The following RPUSD4 variants were observed in gnomAD, a reference collection of about 807,000 sequenced individuals.
RPUSD4 encodes the protein RNA pseudouridine synthase D4.
A neutral mutation model predicts 35.4 loss-of-function variants in RPUSD4; 37 were observed. The observed-to-expected ratio is 1.04, with a 90% confidence interval of 0.80 to 1.37. The LOEUF (loss-of-function observed/expected upper bound fraction) is 1.37. Among genes scored for constraint, RPUSD4 ranks in the 40% most tolerant of loss-of-function variants. RPUSD4 has a pLI of 0.00. For missense variants in RPUSD4, 507 were observed against 484.9 expected (o/e 1.05, Z -0.43); for synonymous variants, 210 against 192.7 (o/e 1.09, Z -0.74).
chr11:126,203,405 G>T lies in RPUSD4; in HGVS notation c.*13C>A. 6.2e-7 allele frequency: 1 copy of T among 1,608,394 alleles called. No homozygotes were observed. The highest frequency in any genetic ancestry group is 8.5e-7 in the Non-Finnish European group (1 of 1,179,012). On this transcript the variant is annotated 3_prime_UTR_variant, in exon 7 of 7. Transcript: ENST00000298317. ...TCACTGTGCTCCCAGGTGCCAGGGT[G>T]CTCCCATGGTCTTCACTGTGCTCCC... is the stretch of plus-strand genomic sequence containing the variant.
At chr11:126,211,408 G>A in intron 1 of RPUSD4, 42 bp downstream of exon 1, 2 of 1,550,526 alleles carry the variant, frequency 1.3e-6, no homozygotes, top group Non-Finnish European at 1.7e-6. Flanking sequence ...GGAAACCAAT[G>A]AGCGCACTGC....
chr11:126,205,403 G>C, intron 5 of RPUSD4, 65 bp downstream of exon 5: 1 of 1,597,746 alleles, frequency 6.3e-7, no homozygotes, highest in Non-Finnish European at 8.6e-7. Context: ...CTCAGAACGA[G>C]GCCCTGGACA....
At chr11:126,205,368 C>T in intron 5 of RPUSD4, 100 bp downstream of exon 5, 5 of 1,452,176 alleles carry the variant, frequency 3.4e-6, no homozygotes, top group Non-Finnish European at 4.7e-6. Context: ...CACATTCTCA[C>T]ACAAGTCAGC....
rs757292313 is a variant in RPUSD4 at position 126,204,180 on chromosome 11, C to T, written c.894+51G>A. 32 of 1,245,946 alleles carry T rather than the reference C, an allele frequency of 2.6e-5. 1 individual carries two copies. The highest frequency in any genetic ancestry group is 7.5e-5 in the South Asian group (6 of 79,966). 77.2% of individuals were successfully genotyped at this position (1,245,946 alleles called of 1,614,324 possible). ...CATTTCAGAGTTTTAAGAAAAGGAA[C>T]GCCTAAGTTCTCTCCCGTATCTGCT... On this transcript the variant is annotated intron_variant, in intron 6 of 6. Coordinates refer to ENST00000298317, the MANE Select transcript of RPUSD4 (RefSeq NM_032795.3).
At position 126,203,334 on chromosome 11, in the gene RPUSD4, CA is replaced by C. The variant is rs1949732799; in HGVS notation, c.*83del. 6.4e-7 allele frequency: 1 copy of C among 1,562,538 alleles called. No homozygotes were observed. The highest frequency in any genetic ancestry group is 8.6e-7 in the Non-Finnish European group (1 of 1,156,616). On this transcript the variant is annotated 3_prime_UTR_variant, in exon 7 of 7. Coordinates refer to ENST00000298317, the MANE Select transcript of RPUSD4 (RefSeq NM_032795.3). ...AGAGTCCTGTAAACAAAGAACAGTTCAGGGGCCAACCTGCGCTCCCAGGTGC... is the reference window on the plus strand; with the variant it reads ...AGAGTCCTGTAAACAAAGAACAGTTCGGGGCCAACCTGCGCTCCCAGGTGC...
Position 126,203,441 on chromosome 11 carries a change from C to T in RPUSD4, c.1111G>A (p.Ala371Thr), listed in dbSNP as rs148779994. ...CTTCACTGTGCTCCCAGACACTTGG[C>T]TTCATTGTTCTCATTTTGATCCTCA... ...PNEDQNENNE[A>T]KCLGAQ The change falls in exon 7 of 7, where the codon GCC becomes ACC. Residue 371 changes from alanine to threonine, a missense_variant. By Grantham distance (58) the Ala-to-Thr change is moderately conservative. Coordinates refer to ENST00000298317, the MANE Select transcript of RPUSD4 (RefSeq NM_032795.3). The T allele has an allele frequency of 2.8e-4, 450 of 1,613,818 alleles. No individual in the cohort carries two copies. The highest frequency in any genetic ancestry group is 3.5e-4 in the Non-Finnish European group (417 of 1,180,024).
At chr11:126,204,116 T>C in intron 6 of RPUSD4, 115 bp downstream of exon 6, 1 of 782,180 alleles carries the variant, frequency 1.3e-6, no homozygotes, top group South Asian at 1.5e-5. Context: ...ATGAGCTTGG[T>C]ATCATGTCTG....
intron 5 of RPUSD4, 68 bp downstream of exon 5, chr11:126,205,400 C>G: frequency 6.3e-7 from 1 of 1,592,724 alleles, no homozygotes. Flanking sequence ...CTGCTCAGAA[C>G]GAGGCCCTGG....
chr11:126,207,033 C>G (rs1949780983), intron 3 of RPUSD4, among the ~76,000 whole-genome samples: 1 of 152,112 alleles, frequency 6.6e-6, no homozygotes. Flanking sequence ...AATAACATAA[C>G]ATGTATTTTA....
chr11:126,206,019 A>G (rs1753850135), intron 3 of RPUSD4: 2 of 390,564 alleles, frequency 5.1e-6, no homozygotes, highest in South Asian at 9.2e-5. Flanking sequence ...GGGGTAAAAA[A>G]AGAAAAAAAT....
At chr11:126,210,746 T>TCGC in intron 2 of RPUSD4, 144 bp downstream of exon 2, 1 of 722,324 alleles carries the variant, frequency 1.4e-6, no homozygotes, top group Non-Finnish European at 2.2e-6. Context: ...TTCTCGGTGG[T>TCGC]TCCTTATATT....
At position 126,209,705 on chromosome 11, in the gene RPUSD4, G is replaced by C; in HGVS notation, c.373C>G (p.Leu125Val). Reference sequence around the variant, plus strand: ...ATAGGTAGTACATCAGTGATGCAGAGCTGGACCCCAGGGCCACCTAAGAAG... The same window carrying C: ...ATAGGTAGTACATCAGTGATGCAGACCTGGACCCCAGGGCCACCTAAGAAG... ...LPVHGGPGVQ[L>V]CITDVLPILA... Residue 125 changes from leucine to valine, a missense_variant, in exon 3 of 7, where the codon CTC becomes GTC. By Grantham distance (32) the Leu-to-Val change is conservative (BLOSUM62 1). Coordinates refer to ENST00000298317, the MANE Select transcript of RPUSD4 (RefSeq NM_032795.3). 1 of 1,613,850 alleles carries C rather than the reference G, an allele frequency of 6.2e-7. No homozygotes were observed. Among genetic ancestry groups the C allele is most frequent in the East Asian group, 2.2e-5 (1 of 44,892 alleles).
rs2135109607 is a variant in RPUSD4, at chr11:126,211,585, T to C, written c.54A>G (p.Gln18=). The C allele has an allele frequency of 6.2e-7, 1 of 1,614,152 alleles. No homozygotes were observed. Among genetic ancestry groups the C allele is most frequent in the Non-Finnish European group, 8.5e-7 (1 of 1,180,034 alleles). ...CGAGAGTGAAGAGACTCCCGCAACCTTGGCCGTTTCCCCGGATCCAGGGGC... is the reference window on the plus strand; with the variant it reads ...CGAGAGTGAAGAGACTCCCGCAACCCTGGCCGTTTCCCCGGATCCAGGGGC... ...ASGPWIRGNG[Q]GCGSLFTLVS... is the part of the protein sequence containing the mutation. Residue 18 remains glutamine (Q), a synonymous_variant, in exon 1 of 7, where the codon CAA becomes CAG. Coordinates refer to ENST00000298317, the MANE Select transcript of RPUSD4 (RefSeq NM_032795.3).
In RPUSD4 at chr11:126,211,591, G is replaced by C. The variant is rs141244684; in HGVS notation, c.48C>G (p.Asn16Lys). 6.2e-7 allele frequency: 1 copy of C among 1,614,090 alleles called. No homozygotes were observed. Among genetic ancestry groups the C allele is most frequent in the Non-Finnish European group, 8.5e-7 (1 of 1,180,016 alleles). ...TGAAGAGACTCCCGCAACCTTGGCC[G>C]TTTCCCCGGATCCAGGGGCCCGACG... ...WSASGPWIRG[N>K]GQGCGSLFTL... Residue 16 changes from asparagine (N) to lysine (K), a missense_variant, in exon 1 of 7, where the codon AAC becomes AAG. Asn to Lys is a moderately conservative substitution (Grantham distance 94, BLOSUM62 0). Coordinates refer to ENST00000298317, the MANE Select transcript of RPUSD4 (RefSeq NM_032795.3).
At chr11:126,210,520 T>TACATACACACACACACACACAC (rs746246254) in intron 2 of RPUSD4, among the ~76,000 whole-genome samples, 190 of 60,266 alleles carry the variant, frequency 3.2e-3, no homozygotes, top group Non-Finnish European at 4.5e-3. Context: ...CCAACATACA[T>TACATACACACACACACACACAC]ACACACACAC....
chr11:126,205,001 CA>C (rs1949755877), intron 5 of RPUSD4, among the ~76,000 whole-genome samples: 1 of 152,154 alleles, frequency 6.6e-6, no homozygotes, highest in Non-Finnish European at 1.5e-5. Context: ...TTTCAAGGTG[CA>C]TCCATATTGT....
At position 126,203,226 on chromosome 11, in the gene RPUSD4, C is replaced by T; in HGVS notation, c.*192G>A. On this transcript the variant is annotated 3_prime_UTR_variant, in exon 7 of 7. Transcript: ENST00000298317. ...ACTATCAGTAAATAGACTTTGTTCT[C>T]CATTAAAAGCCCTGTAGCAGCTGAG... The T allele has an allele frequency of 1.4e-6, 1 of 719,098 alleles. No individual in the cohort carries two copies. The highest frequency in any genetic ancestry group is 2.0e-5 in the South Asian group (1 of 50,824). 44.5% of individuals were successfully genotyped at this position (719,098 alleles called of 1,614,324 possible).
At position 126,209,688 on chromosome 11, in the gene RPUSD4, T is replaced by C. The variant is rs1316153675; in HGVS notation, c.390A>G (p.Val130=). 6.2e-7 allele frequency: 1 copy of C among 1,614,180 alleles called. No individual in the cohort carries two copies. The highest frequency in any genetic ancestry group is 8.5e-7 in the Non-Finnish European group (1 of 1,180,044). The change falls in exon 3 of 7, where the codon GTA becomes GTG. Residue 130 remains valine (V), a synonymous_variant. Transcript: ENST00000298317. ...GAAGCATCTTTGCCAGGATAGGTAGTACATCAGTGATGCAGAGCTGGACCC... is the reference window on the plus strand; with the variant it reads ...GAAGCATCTTTGCCAGGATAGGTAGCACATCAGTGATGCAGAGCTGGACCC... ...GPGVQLCITD[V]LPILAKMLHG...
chr11:126,204,377 G>A (rs756223097), intron 5 of RPUSD4, 49 bp from the exon 6 acceptor site: 2 of 1,384,552 alleles, frequency 1.4e-6, no homozygotes, highest in Admixed American at 3.7e-5. Flanking sequence ...AGGAGCTACA[G>A]AAACAATACC....
Sources: gnomAD v4.1 joint callset for allele counts (sites outside exome capture counted in the v4.1 genomes callset) on GRCh38, gnomAD v4.1.1 for gene constraint, MANE v1.5 for transcripts, NCBI Gene and HGNC (gene_info 2026-07-23, HGNC 2026-07-21) for gene names.